Variants in PDE1A observed in about 807,000 individuals in gnomAD.
PDE1A encodes the protein dual specificity calcium/calmodulin-dependent 3',5'-cyclic nucleotide phosphodiesterase 1A.
PDE1A carries 35 observed loss-of-function variants against 61.7 expected under a neutral mutation model. The observed-to-expected ratio is 0.57, with a 90% CI of 0.43 to 0.75. The LOEUF (loss-of-function observed/expected upper bound fraction) is 0.75. PDE1A is among the 30% of genes least tolerant of loss of function. PDE1A has a pLI of 0.00. For missense variants in PDE1A, 597 were observed against 630.6 expected (o/e 0.95, Z 0.57); for synonymous variants, 232 against 213.2 (o/e 1.09, Z -0.77).
At chr2:182,196,740 T>C (rs978403286) in intron 10 of PDE1A, among the ~76,000 whole-genome samples, 1 of 151,082 alleles carries the variant, frequency 6.6e-6, no homozygotes, top group East Asian at 1.9e-4. Context: ...TTTATTGTCA[T>C]TTGTATCATT....
intron 2 of PDE1A, among the ~76,000 whole-genome samples, chr2:182,494,203 A>G (rs2125892919): frequency 6.6e-6 from 1 of 152,142 alleles, no homozygotes; most frequent in East Asian, 1.9e-4. Context: ...AGCAAAGGTA[A>G]CCTTTTATCA....
intron 1 of PDE1A, among the ~76,000 whole-genome samples, chr2:182,301,862 G>T (rs1453989093): frequency 6.6e-6 from 1 of 152,118 alleles, no homozygotes; most frequent in Non-Finnish European, 1.5e-5. Context: ...TTACCCATAG[G>T]ACAAACCTAC....
intron 1 of PDE1A, among the ~76,000 whole-genome samples, chr2:182,285,603 A>T (rs998720518): frequency 1.4e-4 from 21 of 152,128 alleles, no homozygotes; most frequent in African/African-American, 4.8e-4. Context: ...GTGGATGTTG[A>T]CTTTGACAAT....
At chr2:182,442,380 T>C (rs567707330) in intron 2 of PDE1A, among the ~76,000 whole-genome samples, 1 of 152,144 alleles carries the variant, frequency 6.6e-6, no homozygotes, top group Non-Finnish European at 1.5e-5. Flanking sequence ...CTAAATGCAA[T>C]GTATCATCTT....
At chr2:182,583,684 G>C in the PDE1A span, among the ~76,000 whole-genome samples, 1 of 152,036 alleles carries the variant, frequency 6.6e-6, no homozygotes, top group Non-Finnish European at 1.5e-5. Flanking sequence ...AGTCTTCCTT[G>C]CCTGTTTAAC....
intron 2 of PDE1A, among the ~76,000 whole-genome samples, chr2:182,438,406 G>T (rs938373781): frequency 3.9e-5 from 6 of 151,982 alleles, no homozygotes; most frequent in African/African-American, 1.4e-4. Context: ...GGTAAATTTT[G>T]ATTTTAATTT....
chr2:182,280,523 T>C (rs1374267970), intron 1 of PDE1A, among the ~76,000 whole-genome samples: 1 of 151,956 alleles, frequency 6.6e-6, no homozygotes, highest in East Asian at 1.9e-4. Context: ...TCCCACTTGA[T>C]TGATAGTCTG....
chr2:182,367,123 T>A lies in PDE1A; in HGVS notation c.53+59455A>T, dbSNP rs75217264. 8.1e-3 allele frequency among the ~76,000 whole-genome samples: 1,239 copies of A among 152,104 alleles called. 12 individuals carry two copies. The highest frequency in any genetic ancestry group is 0.027 in the African/African-American group (1,102 of 41,520). ...CAAAAATATTAAATGGTTTATAAAA[T>A]TTTCAAGTTAGAAAAAAAAACAAGC... On this transcript the variant is annotated intron_variant, in intron 1 of 13. Transcript: ENST00000351439.
the PDE1A span, among the ~76,000 whole-genome samples, chr2:182,623,982 G>A: frequency 2.0e-4 from 30 of 151,998 alleles, no homozygotes; most frequent in South Asian, 4.8e-3. Context: ...AAAATTAGCC[G>A]GGCGTAGTGG....
At chr2:182,399,102 TTCTC>T (rs1353080734) in intron 1 of PDE1A, among the ~76,000 whole-genome samples, 1 of 151,922 alleles carries the variant, frequency 6.6e-6, no homozygotes, top group African/African-American at 2.4e-5. Context: ...ACGGCCAGTT[TTCTC>T]TTTAAAATTT....
At chr2:182,498,685 C>G (rs547554458) in intron 2 of PDE1A, among the ~76,000 whole-genome samples, 1 of 152,236 alleles carries the variant, frequency 6.6e-6, no homozygotes, top group East Asian at 1.9e-4. Context: ...TAGCTGACAC[C>G]TGTAATTCCA....
At chr2:182,352,908 A>G (rs1189356854) in intron 1 of PDE1A, among the ~76,000 whole-genome samples, 1 of 152,228 alleles carries the variant, frequency 6.6e-6, no homozygotes, top group Non-Finnish European at 1.5e-5. Context: ...AAAATAAATC[A>G]ACAATTTGAC....
At chr2:182,264,770 G>A (rs974131962) in intron 1 of PDE1A, among the ~76,000 whole-genome samples, 1 of 148,860 alleles carries the variant, frequency 6.7e-6, no homozygotes, top group African/African-American at 2.5e-5. Flanking sequence ...GTTGGCACTA[G>A]GAGAATATTC....
At chr2:182,604,522 G>A in the PDE1A span, among the ~76,000 whole-genome samples, 1 of 152,186 alleles carries the variant, frequency 6.6e-6, no homozygotes, top group African/African-American at 2.4e-5. Flanking sequence ...GTAATCATTT[G>A]CTCAGTCCAA....
the PDE1A span, among the ~76,000 whole-genome samples, chr2:182,615,916 G>C: frequency 1.3e-5 from 2 of 152,200 alleles, no homozygotes; most frequent in African/African-American, 4.8e-5. Flanking sequence ...GAGCCCTCAA[G>C]ACCCAATCAC....
At chr2:182,668,721 C>T in the PDE1A span, among the ~76,000 whole-genome samples, 3 of 152,140 alleles carry the variant, frequency 2.0e-5, no homozygotes, top group Admixed American at 6.5e-5. Flanking sequence ...GCCAGCTCTT[C>T]GGCTCCTGCT....
chr2:182,477,364 A>G (rs1687432181), intron 2 of PDE1A, among the ~76,000 whole-genome samples: 1 of 151,930 alleles, frequency 6.6e-6, no homozygotes, highest in Admixed American at 6.6e-5. Flanking sequence ...TTTACTGGGA[A>G]CAAGTGACTA....
chr2:182,553,638 G>A, the PDE1A span, among the ~76,000 whole-genome samples: 3 of 152,214 alleles, frequency 2.0e-5, no homozygotes, highest in African/African-American at 4.8e-5. Context: ...ACGAAAATAT[G>A]TACCAAATGC....
chr2:182,437,432 G>A (rs970860575), intron 2 of PDE1A, among the ~76,000 whole-genome samples: 1 of 151,818 alleles, frequency 6.6e-6, no homozygotes, highest in Non-Finnish European at 1.5e-5. Flanking sequence ...TCACTGAAAA[G>A]GCTAGATAGG....
Sources: allele counts gnomAD v4.1 joint callset (sites outside exome capture counted in the v4.1 genomes callset), GRCh38; gene constraint gnomAD v4.1.1; transcripts MANE v1.5; gene names NCBI Gene and HGNC (gene_info 2026-07-23, HGNC 2026-07-21).